Variants in TRPS1 observed in about 807,000 individuals in gnomAD.
The protein encoded by TRPS1 is zinc finger transcription factor Trps1.
In TRPS1, 6 loss-of-function variants were observed where a neutral mutation model predicts 101.2. That is an observed-to-expected ratio of 0.06 (90% CI 0.03 to 0.12). The LOEUF is 0.12. Ranked by LOEUF, TRPS1 falls within the 10% of genes least tolerant of loss-of-function variation. The probability of loss-of-function intolerance (pLI) is 1.00; values close to 1 mark genes in which losing one functional copy is unlikely to be tolerated. For missense variants in TRPS1, 1,363 were observed against 1,567.0 expected (o/e 0.87, Z 2.20); for synonymous variants, 578 against 589.8 (o/e 0.98, Z 0.29).
chr8:115,650,468 TG>T (rs1418414432), intron 1 of TRPS1, among the ~76,000 whole-genome samples: 2 of 152,222 alleles, frequency 1.3e-5, no homozygotes, highest in Non-Finnish European at 2.9e-5. Context: ...CCATAGAGAT[TG>T]GGAATGTACA....
At chr8:115,538,475 T>G (rs1250845942) in intron 5 of TRPS1, among the ~76,000 whole-genome samples, 1 of 152,170 alleles carries the variant, frequency 6.6e-6, no homozygotes, top group African/African-American at 2.4e-5. Flanking sequence ...CTTCTCAGTA[T>G]TTTTGGACAT....
At position 115,653,117 on chromosome 8, in the gene TRPS1, T is replaced by C. The variant is rs185307662; in HGVS notation, c.-122+15428A>G. Among the ~76,000 whole-genome samples, 5 of 152,266 alleles carry C rather than the reference T, an allele frequency of 3.3e-5. No homozygotes were observed. The East Asian group carries it at 9.6e-4, about 29-fold the overall frequency. On this transcript the variant is annotated intron_variant, in intron 1 of 6. Transcript: ENST00000395715. ...TTTGATCTGCAATGCCAAGAGTACA[T>C]GGAAAGGTTCCAATCTCTCAAAGTC...
rs1322194463 is a variant in TRPS1 at position 115,604,269 on chromosome 8, T to C, written c.1700A>G (p.His567Arg). The change falls in exon 4 of 7, where the codon CAT becomes CGT. Residue 567 changes from histidine to arginine, a missense_variant. By Grantham distance (29) the His-to-Arg change is conservative (BLOSUM62 0). Coordinates refer to ENST00000395715, the MANE Select transcript of TRPS1 (RefSeq NM_014112.5). The surrounding 1 kb of genome is among the most constrained non-coding windows in gnomAD (Gnocchi z 4.1). ...TTTAATGGTACACTTGTGAATGTTA[T>C]GGAGCTGTTGATAATGACGGAGAAG... The part of the protein sequence containing the change: ...GPLLRHYQQL[H>R]NIHKCTIKHC... The C allele has an allele frequency of 6.2e-7, 1 of 1,614,124 alleles. No individual in the cohort carries two copies.
In TRPS1 at chr8:115,504,292, TG is replaced by T. The variant is rs543011998; in HGVS notation, c.2700+82708del. ...CACAATGAGTCCAGAAACTCTAGAG[TG>T]TTTGGGGGACTACTATAAAAACAAC... is the stretch of plus-strand genomic sequence containing the variant. On this transcript the variant is annotated intron_variant, in intron 5 of 6. Transcript: ENST00000395715. Among the ~76,000 whole-genome samples the T allele has an allele frequency of 1.3e-4, 19 of 151,922 alleles. No individual in the cohort carries two copies. In the South Asian group the frequency reaches 3.7e-3, roughly 30 times the overall value.
At chr8:115,535,405 T>G (rs560903605) in intron 5 of TRPS1, among the ~76,000 whole-genome samples, 2 of 148,508 alleles carry the variant, frequency 1.3e-5, no homozygotes, top group South Asian at 2.1e-4. Flanking sequence ...CGCATATATA[T>G]AGCATATATA....
chr8:115,532,797 G>A (rs535219917), intron 5 of TRPS1, among the ~76,000 whole-genome samples: 1 of 152,284 alleles, frequency 6.6e-6, no homozygotes, highest in South Asian at 2.1e-4. Context: ...ATCAGGAGAT[G>A]AGGCTGCATC....
Position 115,412,694 on chromosome 8 carries a change from C to T in TRPS1, c.*1329G>A, listed in dbSNP as rs1332864798. The T allele has an allele frequency of 1.3e-5, 2 of 152,472 alleles. No individual in the cohort carries two copies. Among genetic ancestry groups the T allele is most frequent in the African/African-American group, 4.8e-5 (2 of 41,412 alleles). The allele number at this position is 152,472 out of a possible 1,614,324, so 9.4% of individuals were successfully genotyped here. A position where few individuals can be genotyped will look rare whatever the true frequency, so the allele number is the denominator to read the frequency against. ...ATAATGCAAATTATTAAAGTCAGTC[C>T]TTGTACATACATCCTTGTAGCAAGC... On this transcript the variant is annotated 3_prime_UTR_variant, in exon 7 of 7. Transcript: ENST00000395715.
chr8:115,608,855 TC>T (rs1327656228), intron 3 of TRPS1, among the ~76,000 whole-genome samples: 1 of 151,672 alleles, frequency 6.6e-6, no homozygotes, highest in Non-Finnish European at 1.5e-5. Context: ...TTTAAAAATT[TC>T]TTTTTTAGAG....
chr8:115,519,526 A>T (rs1420324264), intron 5 of TRPS1, among the ~76,000 whole-genome samples: 1 of 151,658 alleles, frequency 6.6e-6, no homozygotes, highest in African/African-American at 2.4e-5. Context: ...GATTAAAAAA[A>T]TTAAGAGCGG....
At chr8:115,641,440 G>A (rs897364233) in intron 1 of TRPS1, among the ~76,000 whole-genome samples, 2 of 152,180 alleles carry the variant, frequency 1.3e-5, no homozygotes, top group Non-Finnish European at 2.9e-5. Context: ...TCTCTGTAGG[G>A]AACAACCACA....
At position 115,444,250 on chromosome 8, in the gene TRPS1, T is replaced by A. The variant is rs1813676742; in HGVS notation, c.2701-25798A>T. 2.6e-5 allele frequency among the ~76,000 whole-genome samples: 4 copies of A among 151,980 alleles called. No homozygotes were observed. In the Middle Eastern group the frequency reaches 0.01, roughly 388 times the overall value. ...ATAGAACAGGTGCTCTGATAAGGAA[T>A]GTGATTTCTTACCATCATGTCTGGT... On this transcript the variant is annotated intron_variant, in intron 5 of 6. Transcript: ENST00000395715.
intron 5 of TRPS1, among the ~76,000 whole-genome samples, chr8:115,550,195 C>T (rs1313392756): frequency 1.3e-5 from 2 of 152,184 alleles, no homozygotes; most frequent in Admixed American, 1.3e-4. Context: ...GCCTGGGCAA[C>T]TGAGCAAGAC....
At chr8:115,527,490 C>G (rs1035179283) in intron 5 of TRPS1, among the ~76,000 whole-genome samples, 1 of 151,650 alleles carries the variant, frequency 6.6e-6, no homozygotes, top group African/African-American at 2.4e-5. Flanking sequence ...ATCTTTCATA[C>G]TGAGTTCATA....
chr8:115,472,331 A>T (rs944347910), intron 5 of TRPS1, among the ~76,000 whole-genome samples: 3 of 152,198 alleles, frequency 2.0e-5, no homozygotes, highest in Non-Finnish European at 4.4e-5. Flanking sequence ...CTCTGAAGCA[A>T]CAGCCTGAGC....
intron 4 of TRPS1, among the ~76,000 whole-genome samples, chr8:115,590,810 TGA>T (rs1440282933): frequency 5.3e-5 from 8 of 152,202 alleles, no homozygotes; most frequent in Admixed American, 5.2e-4. Flanking sequence ...AGTAAATAAA[TGA>T]GAGTTAATCA....
intron 5 of TRPS1, among the ~76,000 whole-genome samples, chr8:115,464,989 G>A (rs993361934): frequency 1.3e-5 from 2 of 151,990 alleles, no homozygotes; most frequent in African/African-American, 2.4e-5. Context: ...AAATGCAAAT[G>A]CTTCAGATTA....
intron 5 of TRPS1, among the ~76,000 whole-genome samples, chr8:115,477,033 T>C (rs1814623475): frequency 6.6e-6 from 1 of 152,204 alleles, no homozygotes; most frequent in Non-Finnish European, 1.5e-5. Context: ...GAAACACAGT[T>C]AATAACACGA....
At chr8:115,581,971 C>A (rs978370616) in intron 5 of TRPS1, among the ~76,000 whole-genome samples, 3 of 152,158 alleles carry the variant, frequency 2.0e-5, no homozygotes, top group Non-Finnish European at 4.4e-5. Context: ...ATTTTACTCT[C>A]AGGCAAAGAA....
chr8:115,627,607 T>C (rs1055455622), intron 1 of TRPS1, among the ~76,000 whole-genome samples: 1 of 151,858 alleles, frequency 6.6e-6, no homozygotes, highest in African/African-American at 2.4e-5. Context: ...ATAACAAAAA[T>C]AACGAGTGCT....
Sources: gnomAD v4.1 joint callset for allele counts (sites outside exome capture counted in the v4.1 genomes callset) on GRCh38, gnomAD v4.1.1 for gene constraint, Gnocchi (gnomAD v3.1) non-coding constraint, MANE v1.5 for transcripts, NCBI Gene and HGNC (gene_info 2026-07-23, HGNC 2026-07-21) for gene names.